The following PCED1B variants were observed in gnomAD, a reference collection of about 807,000 sequenced individuals.
The protein encoded by PCED1B is PC-esterase domain-containing protein 1B.
For missense variants in PCED1B, 573 were observed against 573.9 expected (o/e 1.00, Z 0.02); for synonymous variants, 251 against 246.1 (o/e 1.02, Z -0.19).
chr12:47,217,508 GAA>G (rs1210229177), intron 3 of PCED1B, among the ~76,000 whole-genome samples: 7 of 136,358 alleles, frequency 5.1e-5, no homozygotes, highest in African/African-American at 1.9e-4. Context: ...AAGAAAGAAA[GAA>G]AGAAAGAAGA....
intron 2 of PCED1B, among the ~76,000 whole-genome samples, chr12:47,158,186 G>A (rs899739561): frequency 6.6e-5 from 10 of 152,144 alleles, no homozygotes; most frequent in South Asian, 6.2e-4. Context: ...AAGTGGAATC[G>A]CTAGATCATG....
intron 3 of PCED1B, among the ~76,000 whole-genome samples, chr12:47,234,064 T>C (rs550000238): frequency 6.4e-4 from 97 of 152,338 alleles, no homozygotes; most frequent in Admixed American, 1.0e-3. Context: ...CTCAGCTCAC[T>C]GGCAACCTTT....
intron 2 of PCED1B, among the ~76,000 whole-genome samples, chr12:47,167,796 T>C (rs1360258210): frequency 1.3e-5 from 2 of 152,190 alleles, no homozygotes; most frequent in Admixed American, 1.3e-4. Context: ...GAGTCAGTGT[T>C]CTCCATGGAG....
At chr12:47,212,093 AAC>A (rs1385563160) in intron 2 of PCED1B, among the ~76,000 whole-genome samples, 6 of 145,518 alleles carry the variant, frequency 4.1e-5, no homozygotes, top group African/African-American at 1.2e-4. Context: ...AAAAAAAAAA[AAC>A]CCAATCTCTA....
intron 1 of PCED1B, among the ~76,000 whole-genome samples, chr12:47,097,845 A>T (rs1378083872): frequency 6.6e-6 from 1 of 152,222 alleles, no homozygotes; most frequent in Non-Finnish European, 1.5e-5. Context: ...ATTCCCTGTG[A>T]TGGCCGTGCC....
chr12:47,182,230 G>C (rs963638472), intron 2 of PCED1B, among the ~76,000 whole-genome samples: 1 of 152,174 alleles, frequency 6.6e-6, no homozygotes, highest in Admixed American at 6.5e-5. Flanking sequence ...AAGAAAGAGA[G>C]AGGACCTAGA....
intron 2 of PCED1B, among the ~76,000 whole-genome samples, chr12:47,165,558 A>G (rs1010883502): frequency 1.3e-5 from 2 of 152,240 alleles, no homozygotes; most frequent in Non-Finnish European, 2.9e-5. Flanking sequence ...GAAAGAATTC[A>G]CAAGGCTAAA....
At chr12:47,135,459 C>T (rs1426184947) in intron 2 of PCED1B, 2 of 374,598 alleles carry the variant, frequency 5.3e-6, no homozygotes, top group Non-Finnish European at 1.1e-5. Context: ...GTGGGCAGAG[C>T]TCCTGGCCCG....
At chr12:47,096,510 TC>T (rs1938489646) in intron 1 of PCED1B, among the ~76,000 whole-genome samples, 1 of 151,990 alleles carries the variant, frequency 6.6e-6, no homozygotes, top group Non-Finnish European at 1.5e-5. Context: ...ATATTTAGCT[TC>T]CCCTGTATCC....
intron 2 of PCED1B, among the ~76,000 whole-genome samples, chr12:47,113,045 C>A (rs949240427): frequency 9.2e-5 from 14 of 152,166 alleles, no homozygotes; most frequent in African/African-American, 2.7e-4. Context: ...ACAGAACTAG[C>A]ATTATTTAAA....
chr12:47,114,115 T>G (rs938439349), intron 2 of PCED1B, among the ~76,000 whole-genome samples: 1 of 152,166 alleles, frequency 6.6e-6, no homozygotes, highest in African/African-American at 2.4e-5. Context: ...TGGGGAAAGA[T>G]GCAAAGCCAT....
chr12:47,093,965 T>G (rs557744384), intron 1 of PCED1B, among the ~76,000 whole-genome samples: 2 of 152,252 alleles, frequency 1.3e-5, no homozygotes, highest in African/African-American at 4.8e-5. Context: ...GTTTATATCT[T>G]CTATATCCTT....
At chr12:47,183,221 C>A (rs1271495472) in intron 2 of PCED1B, among the ~76,000 whole-genome samples, 4 of 152,110 alleles carry the variant, frequency 2.6e-5, no homozygotes, top group African/African-American at 9.7e-5. Context: ...AATAGGTAAA[C>A]ATTTATATCA....
At chr12:47,166,084 G>A (rs771339837) in intron 2 of PCED1B, among the ~76,000 whole-genome samples, 1 of 152,084 alleles carries the variant, frequency 6.6e-6, no homozygotes, top group South Asian at 2.1e-4. Context: ...CCCTCCTCAA[G>A]TTCCTGTCTG....
At chr12:47,195,056 G>T (rs984648579) in intron 2 of PCED1B, among the ~76,000 whole-genome samples, 1 of 152,184 alleles carries the variant, frequency 6.6e-6, no homozygotes, top group Non-Finnish European at 1.5e-5. Flanking sequence ...AGTAGGCCGG[G>T]CGCGGTGGCT....
At chr12:47,082,879 A>G (rs1937809004) in intron 1 of PCED1B, among the ~76,000 whole-genome samples, 1 of 151,886 alleles carries the variant, frequency 6.6e-6, no homozygotes, top group Non-Finnish European at 1.5e-5. Context: ...TTAAAATAGG[A>G]TGCGATAGAT....
At chr12:47,093,326 T>C (rs1343384703) in intron 1 of PCED1B, among the ~76,000 whole-genome samples, 1 of 151,858 alleles carries the variant, frequency 6.6e-6, no homozygotes, top group African/African-American at 2.4e-5. Flanking sequence ...TCTATAGTGA[T>C]ATCTCCTTTT....
intron 1 of PCED1B, among the ~76,000 whole-genome samples, chr12:47,099,437 G>C (rs897805400): frequency 6.6e-6 from 1 of 152,122 alleles, no homozygotes; most frequent in Non-Finnish European, 1.5e-5. Flanking sequence ...CCTTGAAAGC[G>C]GGGATCGTCT....
chr12:47,178,321 A>G (rs896852471), intron 2 of PCED1B, among the ~76,000 whole-genome samples: 12 of 152,182 alleles, frequency 7.9e-5, no homozygotes, highest in Admixed American at 6.5e-4. Context: ...TGCTGACTGC[A>G]TTTGACAGAC....
Sources: allele counts gnomAD v4.1 joint callset (sites outside exome capture counted in the v4.1 genomes callset), GRCh38; gene constraint gnomAD v4.1.1; transcripts MANE v1.5; gene names NCBI Gene and HGNC (gene_info 2026-07-23, HGNC 2026-07-21).